Variants in GALNT17 observed in about 807,000 individuals in gnomAD.
The protein encoded by GALNT17 is UDP-GalNAc:polypeptide N-acetylgalactosaminyltransferase-like 3.
Under a neutral mutation model 63.7 loss-of-function variants are expected in GALNT17, and 29 were observed. The observed-to-expected ratio is 0.46, with a 90% CI of 0.34 to 0.62. The LOEUF is 0.62. Ranked by LOEUF, GALNT17 falls within the 20% of genes least tolerant of loss-of-function variation. GALNT17 has a pLI of 0.01. For missense variants in GALNT17, 603 were observed against 799.6 expected (o/e 0.75, Z 2.97); for synonymous variants, 305 against 318.3 (o/e 0.96, Z 0.45).
chr7:71,588,586 T>TCTTTAGGTATGCTGTGTAGCATG (rs1159390607), intron 6 of GALNT17, among the ~76,000 whole-genome samples: 3 of 152,174 alleles, frequency 2.0e-5, no homozygotes, highest in African/African-American at 7.2e-5. Flanking sequence ...ATTTTAGCAT[T>TCTTTAGGTATGCTGTGTAGCATG]CTTTAGGTAT....
At chr7:71,443,578 C>A (rs1787107862) in intron 5 of GALNT17, among the ~76,000 whole-genome samples, 2 of 152,180 alleles carry the variant, frequency 1.3e-5, no homozygotes, top group Admixed American at 1.3e-4. Context: ...CCACGTGATG[C>A]CTGCCCCATC....
chr7:71,648,385 G>A (rs976468452), intron 6 of GALNT17, among the ~76,000 whole-genome samples: 18 of 151,324 alleles, frequency 1.2e-4, no homozygotes, highest in African/African-American at 3.6e-4. Flanking sequence ...ATTCTCCCGC[G>A]TCAGCCTCCT....
intron 5 of GALNT17, among the ~76,000 whole-genome samples, chr7:71,530,349 C>A (rs1460453173): frequency 2.0e-5 from 3 of 151,984 alleles, no homozygotes; most frequent in Non-Finnish European, 4.4e-5. Flanking sequence ...CACACACACG[C>A]ACACACACAC....
intron 5 of GALNT17, among the ~76,000 whole-genome samples, chr7:71,536,503 A>G (rs1031335707): frequency 6.6e-6 from 1 of 152,226 alleles, no homozygotes. Context: ...CCTCAGAATC[A>G]TGGCGGGAGG....
intron 1 of GALNT17, among the ~76,000 whole-genome samples, chr7:71,235,601 A>G (rs1451954008): frequency 6.6e-6 from 1 of 152,232 alleles, no homozygotes; most frequent in Non-Finnish European, 1.5e-5. Flanking sequence ...ACGTCATCAG[A>G]TATTTTTCTC....
intron 5 of GALNT17, among the ~76,000 whole-genome samples, chr7:71,538,112 A>G (rs1788829367): frequency 6.6e-6 from 1 of 152,206 alleles, no homozygotes; most frequent in Admixed American, 6.5e-5. Flanking sequence ...GGAAACTAAT[A>G]TATATAACAA....
intron 1 of GALNT17, among the ~76,000 whole-genome samples, chr7:71,144,419 A>T (rs1284605858): frequency 2.0e-5 from 3 of 152,130 alleles, no homozygotes; most frequent in African/African-American, 7.2e-5. Flanking sequence ...CATCATTATT[A>T]TTGGCTGTTC....
intron 6 of GALNT17, among the ~76,000 whole-genome samples, chr7:71,637,856 G>A (rs1790549928): frequency 6.6e-6 from 1 of 152,204 alleles, no homozygotes; most frequent in African/African-American, 2.4e-5. Context: ...CCTGGATCTT[G>A]CGCAAGAAAG....
intron 1 of GALNT17, among the ~76,000 whole-genome samples, chr7:71,175,864 A>G (rs1054284452): frequency 5.3e-5 from 8 of 152,120 alleles, no homozygotes; most frequent in Non-Finnish European, 1.2e-4. Context: ...TTGTGCCACT[A>G]CCCTCCAGCC....
intron 1 of GALNT17, among the ~76,000 whole-genome samples, chr7:71,230,159 C>G (rs1403201551): frequency 6.6e-6 from 1 of 151,860 alleles, no homozygotes; most frequent in East Asian, 1.9e-4. Context: ...TGTGTGCCTC[C>G]CAACTCCCCA....
intron 5 of GALNT17, among the ~76,000 whole-genome samples, chr7:71,482,785 G>C (rs1383663932): frequency 2.0e-5 from 3 of 152,102 alleles, no homozygotes. Context: ...GGGAAGGGTG[G>C]GGAGGTGTCA....
chr7:71,408,498 C>T (rs865927901), intron 3 of GALNT17, among the ~76,000 whole-genome samples: 4 of 152,110 alleles, frequency 2.6e-5, no homozygotes, highest in Admixed American at 6.5e-5. Context: ...AAGGCAGGAC[C>T]ATATGGGATC....
rs540575716 is a variant in GALNT17, at chr7:71,560,160, G to C, written c.963-11125G>C. On this transcript the variant is annotated intron_variant, in intron 5 of 10. Coordinates refer to ENST00000333538, the MANE Select transcript of GALNT17 (RefSeq NM_022479.3). ...AGTGAGCCAAGATCATGCCACTGCGGTCCAGCCCAGGGGACAGAGTGAGAC... is the reference window on the plus strand; with the variant it reads ...AGTGAGCCAAGATCATGCCACTGCGCTCCAGCCCAGGGGACAGAGTGAGAC... 1.9e-3 allele frequency among the ~76,000 whole-genome samples: 265 copies of C among 139,762 alleles called. 2 individuals are homozygous for C. Among genetic ancestry groups the C allele is most frequent in the African/African-American group, 6.3e-3 (242 of 38,270 alleles). 91.7% of individuals were successfully genotyped at this position (139,762 alleles called of 152,430 possible).
chr7:71,681,867 C>A (rs1460806026), intron 9 of GALNT17, among the ~76,000 whole-genome samples: 1 of 152,090 alleles, frequency 6.6e-6, no homozygotes, highest in East Asian at 1.9e-4. Context: ...TAAGCAGTTA[C>A]ATTTTGCTTT....
chr7:71,243,883 A>T (rs574725586), intron 1 of GALNT17, among the ~76,000 whole-genome samples: 1 of 152,348 alleles, frequency 6.6e-6, no homozygotes, highest in East Asian at 1.9e-4. Flanking sequence ...TGATGAGGTC[A>T]TGATGTCGTT....
chr7:71,506,678 A>G (rs1377099648), intron 5 of GALNT17, among the ~76,000 whole-genome samples: 2 of 152,246 alleles, frequency 1.3e-5, no homozygotes, highest in Non-Finnish European at 2.9e-5. Context: ...TGTAGTAATC[A>G]AATCAGGGTA....
At chr7:71,300,425 C>T in intron 1 of GALNT17, 1 of 456,240 alleles carries the variant, frequency 2.2e-6, no homozygotes, top group South Asian at 1.5e-5. Flanking sequence ...TCCCTCTCTG[C>T]CACAGCTGAA....
At chr7:71,477,157 A>G (rs940795813) in intron 5 of GALNT17, among the ~76,000 whole-genome samples, 1 of 152,200 alleles carries the variant, frequency 6.6e-6, no homozygotes, top group African/African-American at 2.4e-5. Context: ...ATTATCATCA[A>G]TCACCATCAT....
At chr7:71,249,604 A>G (rs1287130822) in intron 1 of GALNT17, among the ~76,000 whole-genome samples, 1 of 152,264 alleles carries the variant, frequency 6.6e-6, no homozygotes, top group East Asian at 1.9e-4. Context: ...TACTGGCTGT[A>G]TTTTCCATGG....
Sources: gnomAD v4.1 joint callset for allele counts (sites outside exome capture counted in the v4.1 genomes callset) on GRCh38, gnomAD v4.1.1 for gene constraint, MANE v1.5 for transcripts, NCBI Gene and HGNC (gene_info 2026-07-23, HGNC 2026-07-21) for gene names.